Variants in STT3A observed in about 807,000 individuals in gnomAD.
The protein encoded by STT3A is dolichyl-diphosphooligosaccharide--protein glycosyltransferase subunit STT3A.
A neutral mutation model predicts 89.2 loss-of-function variants in STT3A; 34 were observed. That is an observed-to-expected ratio of 0.38 (90% CI 0.29 to 0.51). The LOEUF is 0.51. STT3A is among the 20% of genes least tolerant of loss of function. The pLI is 0.89. For synonymous variants in STT3A, 282 were observed against 310.3 expected (o/e 0.91, Z 0.96); for missense variants, 555 against 889.5 (o/e 0.62, Z 4.78).
chr11:125,605,523 A>G, intron 6 of STT3A, 106 bp from the exon 7 acceptor site: 1 of 715,972 alleles, frequency 1.4e-6, no homozygotes, highest in Non-Finnish European at 2.3e-6. Flanking sequence ...GCCTAAAATT[A>G]CACTATTACT....
In STT3A at chr11:125,621,690, G is replaced by A. The variant is rs473468; in HGVS notation, c.*880G>A. The stretch of plus-strand genomic sequence containing the variant: ...CCTTAGTCTTAGCCTATGTGTTGCT[G>A]TTGTATATTGTTACCAAGTTCAACT... On this transcript the variant is annotated 3_prime_UTR_variant, in exon 18 of 18. Coordinates refer to ENST00000392708, the MANE Select transcript of STT3A (RefSeq NM_152713.5). 0.39 allele frequency: 59,875 copies of A among 151,954 alleles called. 12,224 individuals carry two copies. The highest frequency in any genetic ancestry group is 0.5 in the African/African-American group (20,683 of 41,408). 9.4% of individuals were successfully genotyped at this position (151,954 alleles called of 1,614,324 possible).
intron 3 of STT3A, 56 bp downstream of exon 3, chr11:125,597,175 G>T: frequency 6.3e-7 from 1 of 1,583,692 alleles, no homozygotes; most frequent in Non-Finnish European, 8.7e-7. Flanking sequence ...TCAGGTTCAT[G>T]GGTTTCAGAT....
intron 16 of STT3A, among the ~76,000 whole-genome samples, chr11:125,618,972 A>T (rs963690637): frequency 8.5e-5 from 13 of 152,072 alleles, no homozygotes; most frequent in African/African-American, 3.1e-4. Context: ...GAGCTCAAGC[A>T]ATCTTCTTGT....
intron 15 of STT3A, among the ~76,000 whole-genome samples, chr11:125,617,933 A>G (rs1051884013): frequency 2.6e-5 from 4 of 152,254 alleles, no homozygotes. Context: ...TGTAACCAGT[A>G]TACCCCCTTT....
rs1940114775 is a variant in STT3A at position 125,614,425 on chromosome 11, T to C, written c.1773T>C (p.Asp591=). 4.3e-6 allele frequency: 7 copies of C among 1,613,250 alleles called. No individual in the cohort carries two copies. The highest frequency in any genetic ancestry group is 1.1e-5 in the South Asian group (1 of 91,076). The change falls in exon 15 of 18, where the codon GAT becomes GAC. Residue 591 remains aspartate, a splice_region_variant and synonymous_variant. Coordinates refer to ENST00000392708, the MANE Select transcript of STT3A (RefSeq NM_152713.5). This position sits in a 1 kb window ranked among gnomAD's most constrained non-coding sequence, Gnocchi z 4.9. ...IFGGLTGYSS[D]DINKFLWMVR... is the part of the protein sequence containing the mutation. ...GAGGCCTCACTGGGTATTCCTCTGA[T>C]GGTAATATACTTGATTCTGTTTCTA...
intron 3 of STT3A, among the ~76,000 whole-genome samples, chr11:125,598,408 A>G (rs941231557): frequency 2.0e-5 from 3 of 152,158 alleles, no homozygotes; most frequent in African/African-American, 7.2e-5. Context: ...AGGTTCTTGA[A>G]ATATTATTGG....
At chr11:125,594,153 C>T (rs1249493307) in intron 1 of STT3A, among the ~76,000 whole-genome samples, 1 of 152,048 alleles carries the variant, frequency 6.6e-6, no homozygotes, top group Non-Finnish European at 1.5e-5. Context: ...TATACATGTA[C>T]CAAAATGTCA....
In STT3A at chr11:125,613,115, A is replaced by G. The variant is rs1940075104; in HGVS notation, c.1492A>G (p.Ser498Gly). 1 of 1,611,804 alleles carries G rather than the reference A, an allele frequency of 6.2e-7. No individual in the cohort carries two copies. The highest frequency in any genetic ancestry group is 2.2e-5 in the East Asian group (1 of 44,764). The part of the protein sequence containing the change: ...IVLSARGGDG[S>G]RIIFDDFREA... The stretch of plus-strand genomic sequence containing the variant: ...ACTATCTGCCCGTGGTGGGGATGGC[A>G]GTAGGATCATATTTGATGACTTCCG... Residue 498 changes from serine (S) to glycine (G), a missense_variant, in exon 13 of 18, where the codon AGT becomes GGT. This residue lies in a region of STT3A where 273 missense variants were observed against 449.8 expected (regional missense o/e 0.61). Transcript: ENST00000392708. This position sits in a 1 kb window ranked among gnomAD's most constrained non-coding sequence, Gnocchi z 4.2.
At chr11:125,605,846 T>C in intron 7 of STT3A, 111 bp downstream of exon 7, 1 of 888,270 alleles carries the variant, frequency 1.1e-6, no homozygotes, top group Non-Finnish European at 1.7e-6. Flanking sequence ...CTAAATTTTT[T>C]TCTTTTCCAG....
At chr11:125,611,620 C>T (rs979346429) in intron 11 of STT3A, 101 bp downstream of exon 11, 12 of 1,073,686 alleles carry the variant, frequency 1.1e-5, no homozygotes, top group Middle Eastern at 2.1e-4. Context: ...TGTGCACATG[C>T]TTCCCTCTGA....
At chr11:125,610,720 ACACACCCATACC>A (rs1210917443) in intron 10 of STT3A, 1 of 79,342 alleles carries the variant, frequency 1.3e-5, no homozygotes, top group Non-Finnish European at 2.9e-5. Context: ...TAATGCGCGC[ACACACCCATACC>A]CACACACACC....
rs1940197469 is a variant in STT3A at position 125,616,958 on chromosome 11, G to GT, written c.1775-1414dup. ...CTCCCAAAATGCTAGGATTATAGGT[G>GT]TGAGCCATCACACCCAGCCATTCCT... is the stretch of plus-strand genomic sequence containing the variant. On this transcript the variant is annotated intron_variant, in intron 15 of 17. Coordinates refer to ENST00000392708, the MANE Select transcript of STT3A (RefSeq NM_152713.5). Among the ~76,000 whole-genome samples the GT allele has an allele frequency of 2.6e-5, 4 of 152,138 alleles. No homozygotes were observed. The South Asian group carries it at 8.3e-4, about 31-fold the overall frequency.
At position 125,620,045 on chromosome 11, in the gene STT3A, T is replaced by A. The variant is rs1940304403; in HGVS notation, c.1998T>A (p.Ala666=). Residue 666 remains alanine, a synonymous_variant, in exon 17 of 18, where the codon GCT becomes GCA. Transcript: ENST00000392708. The part of the protein sequence containing the change: ...RPPGFDRVRN[A]EIGNKDFELD... ...CAGGCTTTGACCGTGTCCGAAATGC[T>A]GAGATTGGGAATAAAGACTTTGAGC... is the stretch of plus-strand genomic sequence containing the variant. 1 of 1,614,082 alleles carries A rather than the reference T, an allele frequency of 6.2e-7. No individual in the cohort carries two copies. The highest frequency in any genetic ancestry group is 1.1e-5 in the South Asian group (1 of 91,078).
intron 3 of STT3A, among the ~76,000 whole-genome samples, chr11:125,598,844 G>C (rs1391085400): frequency 6.6e-6 from 1 of 152,160 alleles, no homozygotes; most frequent in African/African-American, 2.4e-5. Context: ...CTGGGCTCAA[G>C]CAATCCTCCC....
chr11:125,610,344 C>T (rs1047736322), intron 10 of STT3A, among the ~76,000 whole-genome samples: 5 of 152,106 alleles, frequency 3.3e-5, no homozygotes, highest in Non-Finnish European at 4.4e-5. Flanking sequence ...GGATTACAGG[C>T]GTGAGCCACT....
At chr11:125,618,600 A>C in intron 16 of STT3A, 39 bp downstream of exon 16, 5 of 1,582,446 alleles carry the variant, frequency 3.2e-6, no homozygotes, top group Non-Finnish European at 4.3e-6. Flanking sequence ...AGTAGTAATA[A>C]TAGTGATTAC....
intron 2 of STT3A, among the ~76,000 whole-genome samples, chr11:125,596,555 A>G (rs538347357): frequency 6.6e-6 from 1 of 152,256 alleles, no homozygotes; most frequent in East Asian, 1.9e-4. Flanking sequence ...GATATTGGGG[A>G]CCCTTGGATA....
At chr11:125,601,493 C>T (rs116597247) in intron 3 of STT3A, among the ~76,000 whole-genome samples, 3 of 152,094 alleles carry the variant, frequency 2.0e-5, no homozygotes, top group African/African-American at 4.8e-5. Context: ...TTGTGGCGAG[C>T]GCCTGTAATC....
rs1940376307 is a variant in STT3A, at chr11:125,622,469, A to T, written c.*1659A>T. On this transcript the variant is annotated 3_prime_UTR_variant, in exon 18 of 18. Coordinates refer to ENST00000392708, the MANE Select transcript of STT3A (RefSeq NM_152713.5). ...TTATACTATACATAGGATAACTTTT[A>T]ACTTGTCGCTACAGTTGTTGCTCTG... 6.6e-6 allele frequency: 1 copy of T among 152,208 alleles called. No individual in the cohort carries two copies. The highest frequency in any genetic ancestry group is 2.4e-5 in the African/African-American group (1 of 41,442). The allele number at this position is 152,208 out of a possible 1,614,324, so 9.4% of individuals were successfully genotyped here. A position where few individuals can be genotyped will look rare whatever the true frequency, so the allele number is the denominator to read the frequency against.
Sources: gnomAD v4.1 joint callset for allele counts (sites outside exome capture counted in the v4.1 genomes callset) on GRCh38, gnomAD v4.1.1 for gene constraint, gnomAD v4.1.1 regional missense constraint, Gnocchi (gnomAD v3.1) non-coding constraint, MANE v1.5 for transcripts, NCBI Gene and HGNC (gene_info 2026-07-23, HGNC 2026-07-21) for gene names.